PCSK2: variants seen among roughly 807,000 people sequenced by gnomAD.
The protein encoded by PCSK2 is proprotein convertase subtilisin/kexin type 2, also known as neuroendocrine convertase 2.
PCSK2 carries 14 observed loss-of-function variants against 69.7 expected under a neutral mutation model. That is an observed-to-expected ratio of 0.20 (90% confidence interval 0.13 to 0.31). PCSK2 has a LOEUF of 0.31. Among genes scored for constraint, PCSK2 ranks in the 10% least tolerant of loss-of-function variants. The pLI is 1.00. For synonymous variants in PCSK2, 307 were observed against 320.7 expected, an observed-to-expected ratio of 0.96 and a Z score of 0.46; for missense variants, 544 against 842.5, an observed-to-expected ratio of 0.65 and a Z score of 4.39.
chr20:17,231,109 G>A (rs892776687), intron 1 of PCSK2, among the ~76,000 whole-genome samples: 12 of 152,186 alleles, frequency 7.9e-5, no homozygotes, highest in Admixed American at 1.3e-4. Flanking sequence ...AATCAAGTGA[G>A]AGTTAGGGTT....
At chr20:17,302,500 G>T (rs889633382) in intron 2 of PCSK2, among the ~76,000 whole-genome samples, 3 of 151,978 alleles carry the variant, frequency 2.0e-5, no homozygotes, top group Non-Finnish European at 4.4e-5. Flanking sequence ...TTTCAGTAAG[G>T]GTCTGTACCG....
chr20:17,227,544 C>A, intron 1 of PCSK2, 62 bp downstream of exon 1: 4 of 1,331,094 alleles, frequency 3.0e-6, no homozygotes, highest in Non-Finnish European at 4.2e-6. Context: ...GGCAGCCCTG[C>A]GCAATCTCAT....
intron 2 of PCSK2, among the ~76,000 whole-genome samples, chr20:17,336,927 G>C (rs1040512655): frequency 6.6e-6 from 1 of 152,172 alleles, no homozygotes; most frequent in African/African-American, 2.4e-5. Flanking sequence ...TGACAACAAT[G>C]TTCTGTCTTA....
rs2030261191 is a variant in PCSK2, at chr20:17,357,998, A to C, written c.283-329A>C. On this transcript the variant is annotated intron_variant, in intron 2 of 11. Coordinates refer to ENST00000262545, the MANE Select transcript of PCSK2 (RefSeq NM_002594.5). ...TGTCTGTTCAGTGCAACCATAAGTA[A>C]ATGCTCTCATAAAATAATGGTAACG... Among the ~76,000 whole-genome samples the C allele has an allele frequency of 2.6e-5, 4 of 151,982 alleles. No homozygotes were observed. In the South Asian group the frequency reaches 8.3e-4, roughly 32 times the overall value.
rs58766799 is a variant in PCSK2, at chr20:17,276,445, A to AACACACACACACAC, written c.282+16123_282+16136dup. On this transcript the variant is annotated intron_variant, in intron 2 of 11. Coordinates refer to ENST00000262545, the MANE Select transcript of PCSK2 (RefSeq NM_002594.5). ...AAGATGAGATTTAACTTTTAAATTC[A>AACACACACACACAC]ACACACACACACACACACACACACA... Among the ~76,000 whole-genome samples the AACACACACACACAC allele has an allele frequency of 2.4e-3, 357 of 146,964 alleles. 1 individual carries two copies. The highest frequency in any genetic ancestry group is 0.01 in the Middle Eastern group (3 of 292).
intron 5 of PCSK2, among the ~76,000 whole-genome samples, chr20:17,408,724 T>C (rs1012881760): frequency 6.6e-6 from 1 of 152,226 alleles, no homozygotes; most frequent in Admixed American, 6.5e-5. Flanking sequence ...AGTGAATAAA[T>C]AAGGTCAATT....
chr20:17,352,708 T>C (rs79340757), intron 2 of PCSK2, among the ~76,000 whole-genome samples: 1,916 of 152,248 alleles, frequency 0.013, 14 homozygotes, highest in East Asian at 0.035. Flanking sequence ...TCAATATAGA[T>C]TGAAGATTTG....
intron 6 of PCSK2, among the ~76,000 whole-genome samples, chr20:17,413,714 A>C (rs1479080058): frequency 6.6e-6 from 1 of 152,238 alleles, no homozygotes; most frequent in Non-Finnish European, 1.5e-5. Flanking sequence ...TCCACCCCAA[A>C]TCAACAGAAT....
At chr20:17,303,852 T>G (rs938672570) in intron 2 of PCSK2, among the ~76,000 whole-genome samples, 2 of 147,364 alleles carry the variant, frequency 1.4e-5, no homozygotes, top group African/African-American at 4.9e-5. Context: ...AGTGCTGGGA[T>G]TACAGGTGTG....
At chr20:17,479,537 C>T (rs1261198525) in intron 11 of PCSK2, 4 of 329,382 alleles carry the variant, frequency 1.2e-5, no homozygotes, top group East Asian at 7.3e-5. Context: ...CGGTGGCTCA[C>T]GCCTGTAATC....
At chr20:17,427,631 G>T (rs2032275592) in intron 6 of PCSK2, among the ~76,000 whole-genome samples, 1 of 152,136 alleles carries the variant, frequency 6.6e-6, no homozygotes, top group South Asian at 2.1e-4. Flanking sequence ...AATAAGCATT[G>T]ATTATTGCTC....
intron 2 of PCSK2, among the ~76,000 whole-genome samples, chr20:17,260,602 A>C (rs997869884): frequency 6.6e-6 from 1 of 152,014 alleles, no homozygotes; most frequent in Non-Finnish European, 1.5e-5. Flanking sequence ...TCTTCTCCTG[A>C]GTTATTATTG....
chr20:17,442,763 C>A (rs1436889191), intron 8 of PCSK2, among the ~76,000 whole-genome samples: 1 of 152,192 alleles, frequency 6.6e-6, no homozygotes, highest in African/African-American at 2.4e-5. Flanking sequence ...TTGACGAACA[C>A]TAAAAATAAA....
At chr20:17,342,235 G>A (rs1990530278) in intron 2 of PCSK2, among the ~76,000 whole-genome samples, 1 of 152,210 alleles carries the variant, frequency 6.6e-6, no homozygotes, top group African/African-American at 2.4e-5. Flanking sequence ...AAGAAACATT[G>A]TTGAGATGGT....
intron 3 of PCSK2, among the ~76,000 whole-genome samples, chr20:17,359,463 G>C (rs757292979): frequency 2.6e-5 from 4 of 152,186 alleles, no homozygotes; most frequent in Non-Finnish European, 4.4e-5. Context: ...AACGCAGGCT[G>C]ACCAACCTCC....
intron 1 of PCSK2, among the ~76,000 whole-genome samples, chr20:17,236,654 C>T (rs1259436435): frequency 2.0e-5 from 3 of 152,078 alleles, no homozygotes; most frequent in Admixed American, 2.0e-4. Flanking sequence ...TACCACAAGT[C>T]CTTTTATCAG....
intron 6 of PCSK2, among the ~76,000 whole-genome samples, chr20:17,419,706 C>T (rs553733116): frequency 2.6e-5 from 4 of 152,294 alleles, no homozygotes; most frequent in East Asian, 1.9e-4. Context: ...CTGCAGCCCA[C>T]GTTTTGTCAA....
chr20:17,336,539 C>CA (rs766397363), intron 2 of PCSK2, among the ~76,000 whole-genome samples: 28 of 152,168 alleles, frequency 1.8e-4, no homozygotes, highest in Non-Finnish European at 3.5e-4. Context: ...AGGTGCTGAG[C>CA]AAACATCAGG....
At chr20:17,285,118 A>G (rs1988467093) in intron 2 of PCSK2, among the ~76,000 whole-genome samples, 1 of 152,036 alleles carries the variant, frequency 6.6e-6, no homozygotes, top group South Asian at 2.1e-4. Context: ...CTGATTATTT[A>G]CTCTTATTTA....
Sources: allele counts gnomAD v4.1 joint callset (sites outside exome capture counted in the v4.1 genomes callset), GRCh38; gene constraint gnomAD v4.1.1; transcripts MANE v1.5; gene names NCBI Gene and HGNC (gene_info 2026-07-23, HGNC 2026-07-21).